The following PCDHA2 variants were observed in gnomAD, a reference collection of about 807,000 sequenced individuals.
The protein encoded by PCDHA2 is protocadherin alpha-2.
In PCDHA2, 58 loss-of-function variants were observed where a neutral mutation model predicts 66.0. The ratio of observed to expected loss-of-function variants is 0.88; its 90% confidence interval spans 0.71 to 1.09. PCDHA2 has a LOEUF of 1.09. Ranked by LOEUF, PCDHA2 falls within the 50% of genes least tolerant of loss-of-function variation. The pLI, the probability that PCDHA2 is intolerant of heterozygous loss-of-function variation, is 0.00. For synonymous variants in PCDHA2, 634 were observed against 554.0 expected (o/e 1.14, Z -2.03); for missense variants, 1,267 against 1,242.3 (o/e 1.02, Z -0.30).
intron 1 of PCDHA2, among the ~76,000 whole-genome samples, chr5:140,957,527 T>C (rs1441282290): frequency 6.6e-6 from 1 of 152,138 alleles, no homozygotes; most frequent in African/African-American, 2.4e-5. Context: ...AGACATTCAG[T>C]GGGGATCTTA....
chr5:140,839,049 A>G (rs943525046), intron 1 of PCDHA2, among the ~76,000 whole-genome samples: 2 of 152,062 alleles, frequency 1.3e-5, no homozygotes, highest in African/African-American at 4.8e-5. Context: ...TTCAACGTGA[A>G]TAAGGATAGA....
At chr5:140,884,607 T>C (rs1554181780) in intron 1 of PCDHA2, 1 of 1,614,044 alleles carries the variant, frequency 6.2e-7, no homozygotes, top group Non-Finnish European at 8.5e-7. Flanking sequence ...CCTCCTTGTC[T>C]GGGTTCTGCA....
chr5:140,928,852 G>T, intron 1 of PCDHA2: 1 of 1,614,172 alleles, frequency 6.2e-7, no homozygotes, highest in Non-Finnish European at 8.5e-7. Flanking sequence ...CACTCTGGGT[G>T]TGCTGTTGAG....
chr5:140,827,904 G>A (rs2150149694), intron 1 of PCDHA2: 24 of 786,388 alleles, frequency 3.1e-5, no homozygotes, highest in Non-Finnish European at 3.9e-5. Context: ...TTTTGGAGCC[G>A]CATGATGTCG....
chr5:140,892,310 A>AT (rs1422110989), intron 1 of PCDHA2, among the ~76,000 whole-genome samples: 1 of 152,230 alleles, frequency 6.6e-6, no homozygotes, highest in Non-Finnish European at 1.5e-5. Flanking sequence ...TTTGGGGCTT[A>AT]TAACATTTTC....
At position 140,869,188 on chromosome 5, in the gene PCDHA2, G is replaced by T. The variant is rs200563745; in HGVS notation, c.2388+71836G>T. 364 of 1,613,946 alleles carry T rather than the reference G, an allele frequency of 2.3e-4. 4 individuals carry two copies. In the Admixed American group the frequency reaches 5.9e-3, roughly 26 times the overall value. On this transcript the variant is annotated intron_variant, in intron 1 of 3. Coordinates refer to ENST00000526136, the MANE Select transcript of PCDHA2 (RefSeq NM_018905.3). ...CCTCGAATTCTGGGAGGTGGGGAGC[G>T]GCCAGCTCCACTACTCCGTCTCGGA...
At chr5:140,854,216 A>G in intron 1 of PCDHA2, 1 of 633,308 alleles carries the variant, frequency 1.6e-6, no homozygotes, top group Non-Finnish European at 2.0e-6. Flanking sequence ...TCAATATTGG[A>G]CATCTACATT....
intron 1 of PCDHA2, chr5:140,884,317 G>A (rs1401667312): frequency 3.1e-6 from 5 of 1,613,662 alleles, no homozygotes; most frequent in African/African-American, 2.7e-5. Flanking sequence ...CGAGGGCGTC[G>A]GCAGGCGCTG....
chr5:140,802,222 A>G, intron 1 of PCDHA2: 1 of 1,614,246 alleles, frequency 6.2e-7, no homozygotes. Flanking sequence ...GAAATTGTGG[A>G]CATCAATGAT....
intron 1 of PCDHA2, chr5:140,869,209 T>C (rs782345986): frequency 1.2e-6 from 2 of 1,613,950 alleles, no homozygotes; most frequent in South Asian, 2.2e-5. Flanking sequence ...CTACTCCGTC[T>C]CGGAGGAGGC....
At chr5:140,844,914 A>G (rs1779618781) in intron 1 of PCDHA2, among the ~76,000 whole-genome samples, 1 of 149,422 alleles carries the variant, frequency 6.7e-6, no homozygotes, top group African/African-American at 2.5e-5. Context: ...AATGGTAGAA[A>G]TTGATGGAAG....
chr5:140,906,258 C>T (rs1162219070), intron 1 of PCDHA2, among the ~76,000 whole-genome samples: 4 of 152,180 alleles, frequency 2.6e-5, no homozygotes, highest in African/African-American at 9.7e-5. Flanking sequence ...TACACACCTC[C>T]TGAAATTATA....
At position 140,926,615 on chromosome 5, in the gene PCDHA2, C is replaced by G. The variant is rs540135252; in HGVS notation, c.2389-52334C>G. On this transcript the variant is annotated intron_variant, in intron 1 of 3. Coordinates refer to ENST00000526136, the MANE Select transcript of PCDHA2 (RefSeq NM_018905.3). ...GGCGGGCGGCCTCGTCTCTGCACCC[C>G]TAGGCGGCGCTGCGCTCCTCAACAC... 1,855 of 379,286 alleles carry G rather than the reference C, an allele frequency of 4.9e-3. 8 individuals are homozygous for G. Among genetic ancestry groups the G allele is most frequent in the African/African-American group, 0.019 (896 of 47,466 alleles). The allele number at this position is 379,286 out of a possible 1,614,324, so 23.5% of individuals were successfully genotyped here. A position where few individuals can be genotyped will look rare whatever the true frequency, so the allele number is the denominator to read the frequency against.
At chr5:140,835,036 G>A (rs1554134704) in intron 1 of PCDHA2, 16 of 1,285,586 alleles carry the variant, frequency 1.2e-5, no homozygotes, top group Non-Finnish European at 6.3e-6. Context: ...ACCGATGGAG[G>A]CAAACCCGAG....
chr5:140,873,624 A>G lies in PCDHA2; in HGVS notation c.2388+76272A>G, dbSNP rs562277902. On this transcript the variant is annotated intron_variant, in intron 1 of 3. Transcript: ENST00000526136. The stretch of plus-strand genomic sequence containing the variant: ...TTCCTATTGGCTTAACAATTTGTTT[A>G]GGTCAAAGAGTATGTGAGAACTACA... Among the ~76,000 whole-genome samples the G allele has an allele frequency of 2.6e-5, 4 of 152,192 alleles. No homozygotes were observed. In the South Asian group the frequency reaches 8.3e-4, roughly 32 times the overall value.
intron 1 of PCDHA2, among the ~76,000 whole-genome samples, chr5:140,939,735 G>A (rs2092448026): frequency 6.6e-6 from 1 of 152,174 alleles, no homozygotes; most frequent in South Asian, 2.1e-4. Flanking sequence ...GTGTGTAGCT[G>A]TGTATCATTC....
At chr5:140,967,708 C>A (rs782464741) in intron 1 of PCDHA2, 1 of 1,614,158 alleles carries the variant, frequency 6.2e-7, no homozygotes, top group Admixed American at 1.7e-5. Context: ...ATGCCAGTAC[C>A]GGGGAAGTGC....
chr5:140,852,296 G>C, intron 1 of PCDHA2: 1 of 460,598 alleles, frequency 2.2e-6, no homozygotes, highest in South Asian at 9.2e-5. Flanking sequence ...TTATTTTTCT[G>C]AGACGGAGTC....
intron 1 of PCDHA2, chr5:140,876,746 T>C (rs1411489174): frequency 3.7e-6 from 6 of 1,614,098 alleles, no homozygotes; most frequent in Admixed American, 3.3e-5. Flanking sequence ...GAGCTGGTGG[T>C]GACTGCGCGG....
Sources: allele counts gnomAD v4.1 joint callset (sites outside exome capture counted in the v4.1 genomes callset), GRCh38; gene constraint gnomAD v4.1.1; transcripts MANE v1.5; gene names NCBI Gene and HGNC (gene_info 2026-07-23, HGNC 2026-07-21).